Variants in TTN observed in about 807,000 individuals in gnomAD.
TTN encodes connectin.
TTN carries 1,525 observed loss-of-function variants against 3,223.0 expected under a neutral mutation model. That is an observed-to-expected ratio of 0.47 (90% confidence interval 0.45 to 0.49). The LOEUF (loss-of-function observed/expected upper bound fraction) is 0.49, where lower values mean the gene tolerates loss of function less well. Ranked by LOEUF, TTN falls within the 20% of genes least tolerant of loss-of-function variation. The pLI is 0.00. For missense variants in TTN, 40,786 were observed against 43,424.0 expected, an observed-to-expected ratio of 0.94 and a Z score of 5.40; for synonymous variants, 14,094 against 15,161.0, an observed-to-expected ratio of 0.93 and a Z score of 5.17.
At chr2:178,653,178 A>G in intron 198 of TTN, 54 bp from the exon 199 acceptor site, 1 of 1,611,664 alleles carries the variant, frequency 6.2e-7, no homozygotes, top group Non-Finnish European at 8.5e-7. Flanking sequence ...CCACTGGAAC[A>G]AAATGTCTTC....
chr2:178,607,781 G>A lies in TTN; in HGVS notation c.53002+4C>T, dbSNP rs947716496. ...CATAATTTTATTCCAATAACGTTAA[G>A]TACCTTGTGGTTCAGCCACAGTAAC... is the stretch of plus-strand genomic sequence containing the variant. On this transcript the variant is annotated splice_donor_region_variant and intron_variant, in intron 276 of 362. Coordinates refer to ENST00000589042, the MANE Select transcript of TTN (RefSeq NM_001267550.2). The A allele has an allele frequency of 6.2e-7, 1 of 1,612,762 alleles. No homozygotes were observed. Among genetic ancestry groups the A allele is most frequent in the Admixed American group, 1.7e-5 (1 of 59,936 alleles).
chr2:178,782,642 T>C, intron 18 of TTN, 40 bp from the exon 19 acceptor site: 1 of 1,611,268 alleles, frequency 6.2e-7, no homozygotes, highest in Non-Finnish European at 8.5e-7. Flanking sequence ...ATGAGATGTT[T>C]AGTGACCCCT....
At position 178,775,411 on chromosome 2, in the gene TTN, T is replaced by C. The variant is rs2092110144; in HGVS notation, c.6453A>G (p.Val2151=). The C allele has an allele frequency of 6.2e-6, 10 of 1,614,088 alleles. No homozygotes were observed. Among genetic ancestry groups the C allele is most frequent in the Non-Finnish European group, 8.5e-6 (10 of 1,180,016 alleles). Residue 2151 remains valine (V), a synonymous_variant, in exon 28 of 363, where the codon GTA becomes GTG. Transcript: ENST00000589042. ...VTAEDSASIM[V]KAINIAGETS... ...TTTCTCCAGCTATGTTGATGGCTTT[T>C]ACCATGATGCTGGCAGAGTCCTCAG...
intron 273 of TTN, 128 bp downstream of exon 273, chr2:178,609,080 A>G: frequency 1.6e-6 from 2 of 1,280,692 alleles, no homozygotes; most frequent in Non-Finnish European, 2.1e-6. Context: ...CATGGCCAGC[A>G]GATAAAATAT....
At chr2:178,668,068 C>T (rs1261267238) in intron 159 of TTN, among the ~76,000 whole-genome samples, 3 of 152,246 alleles carry the variant, frequency 2.0e-5, no homozygotes, top group South Asian at 4.2e-4. Flanking sequence ...CTGAATTGCA[C>T]ATTGAGAATT....
In TTN at chr2:178,621,194, AC is replaced by A; in HGVS notation, c.45523del (p.Val15175SerfsTer2). On this transcript the variant is annotated frameshift_variant, in exon 246 of 363. Coordinates refer to ENST00000589042, the MANE Select transcript of TTN (RefSeq NM_001267550.2). LOFTEE classifies it high-confidence loss of function. ...YDVIADGKKR[V>X]LVVKDATLQD... ...TAATGTGGCATCTTTCACAACTAGG[AC>A]CCTCTTTTTACCATCAGCAATAACG... is the stretch of plus-strand genomic sequence containing the variant. 2 of 1,612,382 alleles carry A rather than the reference AC, an allele frequency of 1.2e-6. No homozygotes were observed. Among genetic ancestry groups the A allele is most frequent in the Non-Finnish European group, 1.7e-6 (2 of 1,179,202 alleles).
At position 178,775,951 on chromosome 2, in the gene TTN, A is replaced by G. The variant is rs1197187343; in HGVS notation, c.5913T>C (p.Thr1971=). 5 of 1,614,022 alleles carry G rather than the reference A, an allele frequency of 3.1e-6. No homozygotes were observed. In the East Asian group the frequency reaches 1.1e-4, roughly 36 times the overall value. ...VQKVDRPVDT[T]ETKEVVKLKR... is the part of the protein sequence containing the mutation. The stretch of plus-strand genomic sequence containing the variant: ...TCAACTTCACAACTTCTTTGGTTTC[A>G]GTGGTGTCAACAGGTCTATCCACTT... The change falls in exon 28 of 363, where the codon ACT becomes ACC. Residue 1971 remains threonine (T), a synonymous_variant. Coordinates refer to ENST00000589042, the MANE Select transcript of TTN (RefSeq NM_001267550.2).
intron 294 of TTN, among the ~76,000 whole-genome samples, chr2:178,596,327 T>G (rs1214712900): frequency 6.6e-6 from 1 of 151,940 alleles, no homozygotes; most frequent in East Asian, 1.9e-4. Context: ...CAACAGTTAT[T>G]GGTTACCATG....
In TTN at chr2:178,620,070, TATA is replaced by T; in HGVS notation, c.46344_46346del (p.Ile15449del). The T allele has an allele frequency of 6.2e-7, 1 of 1,611,962 alleles. No homozygotes were observed. The highest frequency in any genetic ancestry group is 8.5e-7 in the Non-Finnish European group (1 of 1,178,780). On this transcript the variant is annotated inframe_deletion, in exon 249 of 363. Transcript: ENST00000589042. Reference sequence around the variant, plus strand: ...ACTCATCATCCAGCCTGCAATCTTTTATAATGAGTCTGTGTATACTTCCATCTT... The same window carrying T: ...ACTCATCATCCAGCCTGCAATCTTTTATGAGTCTGTGTATACTTCCATCTT...
chr2:178,694,740 G>C, intron 116 of TTN, 64 bp from the exon 117 acceptor site: 2 of 1,498,292 alleles, frequency 1.3e-6, no homozygotes, highest in Non-Finnish European at 1.8e-6. Flanking sequence ...AAATTTAAAA[G>C]TATTTGATTA....
chr2:178,610,343 C>A lies in TTN; in HGVS notation c.51183G>T (p.Lys17061Asn), dbSNP rs972424734. The change falls in exon 271 of 363, where the codon AAG (lysine) becomes AAT (asparagine). Residue 17061 changes from lysine to asparagine, a missense_variant. Physicochemically the swap from Lys to Asn is moderately conservative, Grantham distance 94 (BLOSUM62 0). Transcript: ENST00000589042. ...GTTCCCAAGTTAACTTACAAGAACT[C>A]TTGGTAATGTCACTTGCTTTAATAT... ...CKDIKASDIT[K>N]SSCKLTWEPP... The A allele has an allele frequency of 6.2e-7, 1 of 1,612,738 alleles. No individual in the cohort carries two copies. Among genetic ancestry groups the A allele is most frequent in the Non-Finnish European group, 8.5e-7 (1 of 1,179,182 alleles).
chr2:178,611,259 A>G lies in TTN; in HGVS notation c.50870T>C (p.Ile16957Thr), dbSNP rs368450275. ...VAKDPDCKPT[I>T]DLETHDIIVI... ...AATAATGTCATGAGTCTCCAGGTCA[A>G]TTGTTGGCTTGCCTGTAAGATATCA... The change falls in exon 270 of 363, where the codon ATT (isoleucine) becomes ACT (threonine). Residue 16957 changes from isoleucine to threonine, a missense_variant. By Grantham distance (89) the Ile-to-Thr change is moderately conservative. Transcript: ENST00000589042. The G allele has an allele frequency of 9.9e-6, 16 of 1,612,106 alleles. No individual in the cohort carries two copies. Among genetic ancestry groups the G allele is most frequent in the East Asian group, 2.2e-5 (1 of 44,574 alleles).
chr2:178,734,733 C>T lies in TTN; in HGVS notation c.15191G>A (p.Ser5064Asn). The T allele has an allele frequency of 1.9e-6, 3 of 1,612,656 alleles. No individual in the cohort carries two copies. Among genetic ancestry groups the T allele is most frequent in the Non-Finnish European group, 2.5e-6 (3 of 1,178,854 alleles). Residue 5064 changes from serine (S) to asparagine (N), a missense_variant, in exon 51 of 363, where the codon AGC becomes AAC. Physicochemically the swap from Ser to Asn is conservative, Grantham distance 46. Coordinates refer to ENST00000589042, the MANE Select transcript of TTN (RefSeq NM_001267550.2). ...TTTGATAACTATTTCAGTACTGCAGCTATCACTGCCGACGTCATTCACTGC... is the reference window on the plus strand; with the variant it reads ...TTTGATAACTATTTCAGTACTGCAGTTATCACTGCCGACGTCATTCACTGC... ...CEAVNDVGSD[S>N]CSTEIVIKEP...
Position 178,577,141 on chromosome 2 carries a change from A to G in TTN, c.69194T>C (p.Leu23065Ser), listed in dbSNP as rs768535148. ...CTTAATTGGTGAGCCGCCATCTTCC[A>G]AGGGAGGTGTCCATGTAAGTGTTGC... ...EKATLTWTPP[L>S]EDGGSPIKSY... The change falls in exon 324 of 363, where the codon TTG (leucine) becomes TCG (serine). Residue 23065 changes from leucine to serine, a missense_variant. By Grantham distance (145) the Leu-to-Ser change is moderately radical (BLOSUM62 -2). Transcript: ENST00000589042. 5.3e-5 allele frequency: 85 copies of G among 1,613,014 alleles called. 1 individual carries two copies. In the East Asian group the frequency reaches 1.8e-3, roughly 35 times the overall value.
At chr2:178,751,233 T>C (rs754635078) in intron 47 of TTN, 3 of 1,607,482 alleles carry the variant, frequency 1.9e-6, no homozygotes, top group Non-Finnish European at 2.5e-6. Context: ...TCAGAAGACG[T>C]ATCTAAAAGA....
chr2:178,607,901 T>A lies in TTN; in HGVS notation c.52886A>T (p.Tyr17629Phe). The A allele has an allele frequency of 6.2e-7, 1 of 1,613,048 alleles. No homozygotes were observed. The highest frequency in any genetic ancestry group is 8.5e-7 in the Non-Finnish European group (1 of 1,179,316). Residue 17629 changes from tyrosine to phenylalanine, a missense_variant, in exon 276 of 363, where the codon TAC becomes TTC. Tyr to Phe is a conservative substitution (Grantham distance 22). Coordinates refer to ENST00000589042, the MANE Select transcript of TTN (RefSeq NM_001267550.2). ...ACCCTCTCGGATTTCTTTGACGGTG[T>A]ACTGACGGACCTTGATCATCTTCTC... ...CTEKMIKVRQ[Y>F]TVKEIREGAD...
rs1688991562 is a variant in TTN at position 178,531,236 on chromosome 2, A to C, written c.105379T>G (p.Leu35127Val). The change falls in exon 358 of 363, where the codon TTG becomes GTG. Residue 35127 changes from leucine to valine, a missense_variant. Physicochemically the swap from Leu to Val is conservative, Grantham distance 32 (BLOSUM62 1). Coordinates refer to ENST00000589042, the MANE Select transcript of TTN (RefSeq NM_001267550.2). ...KSTTRKIKTTLAARILTKPRS... is the reference protein window; with the variant it reads ...KSTTRKIKTTVAARILTKPRS... ...GGCTTTGTTAGAATTCTTGCTGCCA[A>C]AGTCGTCTTGATCTTTCTGGTTGTG... 6.2e-7 allele frequency: 1 copy of C among 1,613,784 alleles called. No homozygotes were observed. The highest frequency in any genetic ancestry group is 8.5e-7 in the Non-Finnish European group (1 of 1,179,850).
Position 178,776,557 on chromosome 2 carries a change from A to G in TTN, c.5307T>C (p.Ser1769=). 1 of 1,612,722 alleles carries G rather than the reference A, an allele frequency of 6.2e-7. No individual in the cohort carries two copies. Among genetic ancestry groups the G allele is most frequent in the African/African-American group, 1.3e-5 (1 of 75,050 alleles). ...TGCAAGTAATGATACCACTGTCTCTAGAATATGCAACGCCATAATCAAGGC... is the reference window on the plus strand; with the variant it reads ...TGCAAGTAATGATACCACTGTCTCTGGAATATGCAACGCCATAATCAAGGC... The part of the protein sequence containing the change: ...YCSLDYGVAY[S]RDSGIITCRA... Residue 1769 remains serine, a synonymous_variant, in exon 28 of 363, where the codon TCT becomes TCC. Transcript: ENST00000589042.
At chr2:178,767,641 C>A (rs1214207042) in intron 40 of TTN, 118 bp downstream of exon 40, 8 of 1,422,570 alleles carry the variant, frequency 5.6e-6, no homozygotes, top group Admixed American at 1.7e-5. Context: ...TAAGAATGAG[C>A]TGATTTAATT....
Sources: allele counts gnomAD v4.1 joint callset (sites outside exome capture counted in the v4.1 genomes callset), GRCh38; gene constraint gnomAD v4.1.1; transcripts MANE v1.5; gene names NCBI Gene and HGNC (gene_info 2026-07-23, HGNC 2026-07-21).